The following DPP6 variants were observed in gnomAD, a reference collection of about 807,000 sequenced individuals.
The protein encoded by DPP6 is dipeptidyl peptidase like 6, also known as A-type potassium channel modulatory protein DPP6.
In DPP6, 69 loss-of-function variants were observed where a neutral mutation model predicts 122.6. The observed-to-expected ratio is 0.56, with a 90% confidence interval of 0.46 to 0.69. The LOEUF is 0.69. Ranked by LOEUF, DPP6 falls within the 30% of genes least tolerant of loss-of-function variation. DPP6 has a pLI of 0.00. For missense variants in DPP6, 928 were observed against 1,116.9 expected (o/e 0.83, Z 2.41); for synonymous variants, 418 against 433.1 (o/e 0.97, Z 0.43).
At chr7:154,040,900 T>A in intron 1 of DPP6, among the ~76,000 whole-genome samples, 2 of 150,662 alleles carry the variant, frequency 1.3e-5, no homozygotes, top group Non-Finnish European at 3.0e-5. Context: ...CATAGCAGCC[T>A]TGGTGGAGTG....
At chr7:154,813,688 T>C (rs529522005) in intron 16 of DPP6, among the ~76,000 whole-genome samples, 20 of 152,180 alleles carry the variant, frequency 1.3e-4, no homozygotes, top group Non-Finnish European at 1.5e-4. Context: ...CTCTCTATTG[T>C]CTGGAAGTGA....
intron 1 of DPP6, among the ~76,000 whole-genome samples, chr7:154,378,329 G>A (rs1171337396): frequency 6.6e-6 from 1 of 152,202 alleles, no homozygotes; most frequent in Non-Finnish European, 1.5e-5. Flanking sequence ...GGAGGTAGCT[G>A]TGTAAAATTA....
intron 6 of DPP6, among the ~76,000 whole-genome samples, chr7:154,668,050 T>G (rs1352181362): frequency 6.6e-6 from 1 of 150,702 alleles, no homozygotes; most frequent in East Asian, 2.0e-4. Context: ...CAGTCCACCA[T>G]GTCCTTAGCC....
intron 16 of DPP6, among the ~76,000 whole-genome samples, chr7:154,835,382 C>T (rs1420534214): frequency 9.8e-5 from 15 of 152,290 alleles, no homozygotes; most frequent in Admixed American, 5.9e-4. Context: ...GGCCTCCAGA[C>T]CTGTGAGACA....
intron 1 of DPP6, among the ~76,000 whole-genome samples, chr7:153,991,103 A>G (rs1391304796): frequency 1.3e-5 from 2 of 152,194 alleles, no homozygotes; most frequent in Non-Finnish European, 2.9e-5. Flanking sequence ...ATGCTCCCTT[A>G]TGCCGTAAAG....
chr7:154,073,416 C>G (rs1585315626), intron 1 of DPP6, among the ~76,000 whole-genome samples: 1 of 152,384 alleles, frequency 6.6e-6, no homozygotes, highest in Non-Finnish European at 1.5e-5. Flanking sequence ...CTTTGCTCCT[C>G]TCCGTGGCTC....
intron 1 of DPP6, among the ~76,000 whole-genome samples, chr7:153,892,609 C>G (rs1799252761): frequency 6.6e-6 from 1 of 152,076 alleles, no homozygotes; most frequent in Admixed American, 6.6e-5. Flanking sequence ...GCCAAATCTT[C>G]TATTATTGAA....
intron 3 of DPP6, among the ~76,000 whole-genome samples, chr7:154,485,206 C>A (rs1368686421): frequency 1.3e-5 from 2 of 151,646 alleles, no homozygotes; most frequent in African/African-American, 4.9e-5. Flanking sequence ...ACTGTGTTCT[C>A]CCACGGCTCT....
chr7:154,364,341 C>G (rs1304059918), intron 1 of DPP6, among the ~76,000 whole-genome samples: 1 of 152,184 alleles, frequency 6.6e-6, no homozygotes, highest in Admixed American at 6.5e-5. Context: ...AGGCAGAGCA[C>G]AGCTACAGGC....
chr7:154,004,805 T>C (rs1326497079), intron 1 of DPP6, among the ~76,000 whole-genome samples: 1 of 152,214 alleles, frequency 6.6e-6, no homozygotes, highest in Admixed American at 6.5e-5. Context: ...AGTATTTTGT[T>C]TAACTTTTCA....
chr7:153,862,822 A>G, the DPP6 span, among the ~76,000 whole-genome samples: 2 of 152,224 alleles, frequency 1.3e-5, no homozygotes, highest in Non-Finnish European at 2.9e-5. Context: ...TAAGTAATTT[A>G]GAACTAAACA....
chr7:153,804,126 T>C, the DPP6 span, among the ~76,000 whole-genome samples: 2 of 151,920 alleles, frequency 1.3e-5, no homozygotes, highest in Admixed American at 1.3e-4. Flanking sequence ...CTCGACTCGC[T>C]GCAACCTCCG....
intron 1 of DPP6, among the ~76,000 whole-genome samples, chr7:154,413,453 T>C (rs1048165337): frequency 3.9e-5 from 6 of 152,134 alleles, no homozygotes; most frequent in African/African-American, 1.4e-4. Flanking sequence ...AAAGGCTTTA[T>C]GGTAATTTTT....
chr7:154,591,967 C>T (rs1166018775), intron 5 of DPP6, among the ~76,000 whole-genome samples: 2 of 152,210 alleles, frequency 1.3e-5, no homozygotes, highest in Non-Finnish European at 2.9e-5. Flanking sequence ...CAGACAAGGG[C>T]CTGGTGAGAT....
the DPP6 span, among the ~76,000 whole-genome samples, chr7:153,800,251 AT>A: frequency 6.6e-6 from 1 of 152,332 alleles, no homozygotes; most frequent in South Asian, 2.1e-4. Flanking sequence ...ATAAAATAGA[AT>A]AAAATCCTGT....
At chr7:154,842,772 ATGT>A (rs1000301613) in intron 16 of DPP6, among the ~76,000 whole-genome samples, 4 of 152,220 alleles carry the variant, frequency 2.6e-5, no homozygotes, top group Non-Finnish European at 2.9e-5. Context: ...AAAGGGCCAA[ATGT>A]TGTTTTTATT....
chr7:154,828,213 G>A (rs1800334977), intron 16 of DPP6, among the ~76,000 whole-genome samples: 1 of 152,176 alleles, frequency 6.6e-6, no homozygotes, highest in Non-Finnish European at 1.5e-5. Context: ...GAGCATTTGG[G>A]GAAGATGGGG....
chr7:154,324,559 C>T (rs561656899), intron 1 of DPP6, among the ~76,000 whole-genome samples: 1 of 152,304 alleles, frequency 6.6e-6, no homozygotes, highest in South Asian at 2.1e-4. Flanking sequence ...CTCCCTCTGC[C>T]CTACTTGATT....
chr7:154,852,491 G>GCCTCTCCTACCTCTCCTC (rs1176210903), intron 16 of DPP6, among the ~76,000 whole-genome samples: 10 of 138,342 alleles, frequency 7.2e-5, no homozygotes, highest in African/African-American at 3.1e-4. Flanking sequence ...TGCCTCTCCT[G>GCCTCTCCTACCTCTCCTC]CCTCTCCTGC....
Sources: gnomAD v4.1 joint callset for allele counts (sites outside exome capture counted in the v4.1 genomes callset) on GRCh38, gnomAD v4.1.1 for gene constraint, MANE v1.5 for transcripts, NCBI Gene and HGNC (gene_info 2026-07-23, HGNC 2026-07-21) for gene names.